The following ST6GALNAC3 variants were observed in gnomAD, a reference collection of about 807,000 sequenced individuals.
The protein encoded by ST6GALNAC3 is ST6 N-acetylgalactosaminide alpha-2,6-sialyltransferase 3, also known as alpha-N-acetylgalactosaminide alpha-2,6-sialyltransferase 3.
A neutral mutation model predicts 32.7 loss-of-function variants in ST6GALNAC3; 25 were observed. That is an observed-to-expected ratio of 0.76 (90% confidence interval 0.56 to 1.07). The LOEUF (loss-of-function observed/expected upper bound fraction) is 1.07, where lower values mean the gene tolerates loss of function less well. ST6GALNAC3 is among the 50% of genes least tolerant of loss of function. The pLI is 0.00. For missense variants in ST6GALNAC3, 355 were observed against 382.4 expected, an observed-to-expected ratio of 0.93 and a Z score of 0.60; for synonymous variants, 129 against 133.1, an observed-to-expected ratio of 0.97 and a Z score of 0.21.
intron 1 of ST6GALNAC3, among the ~76,000 whole-genome samples, chr1:76,078,774 C>G (rs983597051): frequency 2.6e-5 from 4 of 152,046 alleles, no homozygotes; most frequent in Non-Finnish European, 4.4e-5. Context: ...AAGGACCAGT[C>G]TCTTTATTAT....
chr1:76,487,688 G>A (rs1167221958), intron 3 of ST6GALNAC3, among the ~76,000 whole-genome samples: 1 of 152,056 alleles, frequency 6.6e-6, no homozygotes, highest in African/African-American at 2.4e-5. Context: ...CCTTTAGCTT[G>A]GAGAAGTTTG....
intron 3 of ST6GALNAC3, among the ~76,000 whole-genome samples, chr1:76,518,889 A>G (rs1662337925): frequency 6.6e-6 from 1 of 152,024 alleles, no homozygotes; most frequent in Admixed American, 6.6e-5. Flanking sequence ...ACATGGTGAA[A>G]CCCTGTCTCT....
At chr1:76,194,497 AACCCATTACATGTTAAT>A (rs1654085930) in intron 1 of ST6GALNAC3, among the ~76,000 whole-genome samples, 1 of 152,054 alleles carries the variant, frequency 6.6e-6, no homozygotes, top group Non-Finnish European at 1.5e-5. Context: ...AGTAATAATA[AACCCATTACATGTTAAT>A]ACAAATAATA....
chr1:76,324,833 A>G (rs1401235308), intron 2 of ST6GALNAC3, among the ~76,000 whole-genome samples: 1 of 152,198 alleles, frequency 6.6e-6, no homozygotes, highest in Non-Finnish European at 1.5e-5. Context: ...GCTATATGGT[A>G]ACTATCTTCT....
chr1:76,613,408 T>A (rs2100675660), intron 3 of ST6GALNAC3, among the ~76,000 whole-genome samples: 1 of 152,302 alleles, frequency 6.6e-6, no homozygotes, highest in South Asian at 2.1e-4. Context: ...CAGAGCACAT[T>A]TCAATCCTAC....
intron 3 of ST6GALNAC3, chr1:76,412,953 A>G: frequency 2.9e-6 from 1 of 340,226 alleles, no homozygotes. Context: ...CCATATTGAA[A>G]TTATACGTCC....
intron 1 of ST6GALNAC3, among the ~76,000 whole-genome samples, chr1:76,173,306 C>T (rs186010938): frequency 1.1e-3 from 164 of 152,324 alleles, no homozygotes; most frequent in Admixed American, 1.4e-3. Context: ...AGCTGGACCC[C>T]TTCCTTACAC....
chr1:76,313,249 A>G (rs543156546), intron 1 of ST6GALNAC3, among the ~76,000 whole-genome samples: 1 of 152,136 alleles, frequency 6.6e-6, no homozygotes, highest in African/African-American at 2.4e-5. Context: ...GAATGCCTGT[A>G]GTATGTAAGG....
intron 3 of ST6GALNAC3, among the ~76,000 whole-genome samples, chr1:76,438,341 C>T (rs550084224): frequency 2.0e-5 from 3 of 151,940 alleles, no homozygotes; most frequent in East Asian, 3.9e-4. Context: ...TTAGTAGAGA[C>T]GGGGTTTCAC....
At chr1:76,103,629 C>G (rs1176005289) in intron 1 of ST6GALNAC3, among the ~76,000 whole-genome samples, 8 of 152,112 alleles carry the variant, frequency 5.3e-5, no homozygotes, top group Admixed American at 5.2e-4. Context: ...TCTCACTGTT[C>G]AGGAGGCTGG....
At chr1:76,208,995 A>T (rs923052347) in intron 1 of ST6GALNAC3, among the ~76,000 whole-genome samples, 1 of 152,038 alleles carries the variant, frequency 6.6e-6, no homozygotes, top group African/African-American at 2.4e-5. Flanking sequence ...TTTAATGATA[A>T]ATTTATCTTT....
chr1:76,232,219 TC>T (rs1443830805), intron 1 of ST6GALNAC3, among the ~76,000 whole-genome samples: 1 of 152,052 alleles, frequency 6.6e-6, no homozygotes, highest in Non-Finnish European at 1.5e-5. Context: ...ATTGAAAAGA[TC>T]CCTATCTATG....
intron 3 of ST6GALNAC3, among the ~76,000 whole-genome samples, chr1:76,464,425 A>G (rs1042591412): frequency 6.6e-6 from 1 of 152,194 alleles, no homozygotes; most frequent in Non-Finnish European, 1.5e-5. Flanking sequence ...CAGAGCCTTC[A>G]TTGTTAATTA....
chr1:76,327,633 G>A (rs372159450), intron 2 of ST6GALNAC3, among the ~76,000 whole-genome samples: 15 of 152,244 alleles, frequency 9.9e-5, no homozygotes, highest in African/African-American at 3.1e-4. Context: ...TGTGTCGCCC[G>A]GGCGGGAGGG....
intron 3 of ST6GALNAC3, among the ~76,000 whole-genome samples, chr1:76,601,025 A>AAAAT (rs1647218421): frequency 6.6e-6 from 1 of 152,022 alleles, no homozygotes; most frequent in Non-Finnish European, 1.5e-5. Flanking sequence ...CATCTCTACA[A>AAAAT]AAATAAATAA....
chr1:76,552,675 T>C (rs1332421024), intron 3 of ST6GALNAC3, among the ~76,000 whole-genome samples: 6 of 152,236 alleles, frequency 3.9e-5, no homozygotes, highest in Admixed American at 3.9e-4. Context: ...ACAAACCATT[T>C]ATGCTTTAAT....
intron 1 of ST6GALNAC3, among the ~76,000 whole-genome samples, chr1:76,156,049 T>G (rs932131340): frequency 2.0e-5 from 3 of 152,166 alleles, no homozygotes; most frequent in African/African-American, 4.8e-5. Context: ...CCTTGACAGT[T>G]TTGAGGAGTA....
intron 1 of ST6GALNAC3, among the ~76,000 whole-genome samples, chr1:76,231,989 G>A (rs778586983): frequency 3.9e-5 from 6 of 152,142 alleles, no homozygotes; most frequent in Admixed American, 6.5e-5. Context: ...TGACAACAAG[G>A]CTTCGAGGTA....
rs1018010953 is a variant in ST6GALNAC3 at position 76,627,665 on chromosome 1, A to G, written c.731+106A>G. ...AATCTGAGAAACAGATAAAGCAACA[A>G]TTATTTCCCAGTGTTCTTTGCTGAC... is the stretch of plus-strand genomic sequence containing the variant. On this transcript the variant is annotated intron_variant, in intron 4 of 4. Coordinates refer to ENST00000328299, the MANE Select transcript of ST6GALNAC3 (RefSeq NM_152996.4). 1.0e-5 allele frequency: 9 copies of G among 894,292 alleles called. No individual in the cohort carries two copies. The Admixed American group carries it at 1.3e-4, about 13-fold the overall frequency. 55.4% of individuals were successfully genotyped at this position (894,292 alleles called of 1,614,324 possible).
Sources: gnomAD v4.1 joint callset for allele counts (sites outside exome capture counted in the v4.1 genomes callset) on GRCh38, gnomAD v4.1.1 for gene constraint, MANE v1.5 for transcripts, NCBI Gene and HGNC (gene_info 2026-07-23, HGNC 2026-07-21) for gene names.